PIBF1: variants seen among roughly 807,000 people sequenced by gnomAD.
PIBF1 encodes progesterone-induced-blocking factor 1.
Under a neutral mutation model 112.5 loss-of-function variants are expected in PIBF1, and 90 were observed. The observed-to-expected ratio is 0.80, with a 90% CI of 0.67 to 0.95. PIBF1 has a LOEUF of 0.95. Ranked by LOEUF, PIBF1 falls within the 40% of genes least tolerant of loss-of-function variation. PIBF1 has a pLI of 0.00. For synonymous variants in PIBF1, 301 were observed against 288.6 expected (o/e 1.04, Z -0.44); for missense variants, 915 against 852.3 (o/e 1.07, Z -0.92).
At chr13:72,885,964 A>G (rs1206433230) in intron 10 of PIBF1, among the ~76,000 whole-genome samples, 1 of 152,190 alleles carries the variant, frequency 6.6e-6, no homozygotes, top group Non-Finnish European at 1.5e-5. Flanking sequence ...CAGAACACTA[A>G]TTTGGATAAA....
intron 5 of PIBF1, among the ~76,000 whole-genome samples, chr13:72,800,692 A>C (rs1466796688): frequency 6.6e-6 from 1 of 152,244 alleles, no homozygotes; most frequent in Non-Finnish European, 1.5e-5. Context: ...GTTAAACAAA[A>C]CAGTAATCCC....
intron 17 of PIBF1, among the ~76,000 whole-genome samples, chr13:73,000,989 C>G (rs1051723508): frequency 2.0e-5 from 3 of 151,770 alleles, no homozygotes; most frequent in Non-Finnish European, 4.4e-5. Flanking sequence ...AAATTTTTTT[C>G]AAAAGAGGTA....
At chr13:72,943,897 G>A (rs1352948467) in intron 14 of PIBF1, among the ~76,000 whole-genome samples, 8 of 152,158 alleles carry the variant, frequency 5.3e-5, no homozygotes, top group Non-Finnish European at 7.4e-5. Flanking sequence ...AGTGTAAGTG[G>A]AAATAATAAT....
chr13:72,878,460 G>A (rs1467492840), intron 10 of PIBF1, among the ~76,000 whole-genome samples: 7 of 151,916 alleles, frequency 4.6e-5, no homozygotes, highest in Non-Finnish European at 5.9e-5. Context: ...TCTTTTTATT[G>A]TTGATTTCTA....
intron 16 of PIBF1, among the ~76,000 whole-genome samples, chr13:72,992,101 G>T (rs954535094): frequency 1.3e-5 from 2 of 152,154 alleles, no homozygotes; most frequent in Non-Finnish European, 2.9e-5. Flanking sequence ...GCCAAGATGG[G>T]AAGATAGCTT....
At chr13:72,915,591 G>A (rs974154076) in intron 12 of PIBF1, among the ~76,000 whole-genome samples, 2 of 152,116 alleles carry the variant, frequency 1.3e-5, no homozygotes, top group African/African-American at 4.8e-5. Flanking sequence ...GGAGAAACAA[G>A]AGTCAGTTAC....
At chr13:72,791,845 G>C (rs1371928550) in intron 2 of PIBF1, among the ~76,000 whole-genome samples, 1 of 151,516 alleles carries the variant, frequency 6.6e-6, no homozygotes, top group Non-Finnish European at 1.5e-5. Flanking sequence ...TGCTGGCCAG[G>C]CTTATCTTGA....
chr13:72,869,568 T>A (rs1204628104), intron 10 of PIBF1, among the ~76,000 whole-genome samples: 5 of 151,764 alleles, frequency 3.3e-5, no homozygotes, highest in Non-Finnish European at 4.4e-5. Flanking sequence ...TATACATGTG[T>A]AACTAACCTG....
intron 15 of PIBF1, among the ~76,000 whole-genome samples, chr13:72,968,013 G>C (rs990892668): frequency 6.6e-6 from 1 of 151,900 alleles, no homozygotes; most frequent in African/African-American, 2.4e-5. Context: ...GTGAAACCCT[G>C]TCTCTACTAA....
At chr13:72,849,843 C>G (rs1228098685) in intron 9 of PIBF1, among the ~76,000 whole-genome samples, 2 of 152,156 alleles carry the variant, frequency 1.3e-5, no homozygotes, top group East Asian at 1.9e-4. Flanking sequence ...TAATACTTAA[C>G]CTCTTTGTGT....
intron 2 of PIBF1, among the ~76,000 whole-genome samples, chr13:72,783,933 G>A (rs2034447742): frequency 6.6e-6 from 1 of 152,086 alleles, no homozygotes; most frequent in Non-Finnish European, 1.5e-5. Flanking sequence ...AGGAGGGTTG[G>A]GGAGATGTTG....
intron 5 of PIBF1, among the ~76,000 whole-genome samples, chr13:72,817,689 C>G (rs2036342422): frequency 6.6e-6 from 1 of 152,112 alleles, no homozygotes; most frequent in Admixed American, 6.5e-5. Flanking sequence ...TAGGTTATTG[C>G]TGGAGCTTAG....
intron 11 of PIBF1, among the ~76,000 whole-genome samples, chr13:72,902,033 C>A (rs931245992): frequency 6.3e-5 from 2 of 31,512 alleles, no homozygotes; most frequent in Non-Finnish European, 1.2e-4. Context: ...TATACACACA[C>A]ATGATGGAAT....
At chr13:72,985,595 A>T (rs12876094) in intron 16 of PIBF1, among the ~76,000 whole-genome samples, 1 of 152,210 alleles carries the variant, frequency 6.6e-6, no homozygotes, top group Non-Finnish European at 1.5e-5. Flanking sequence ...GACAATATTA[A>T]CAATTATATG....
chr13:72,953,033 C>A (rs2138862428), intron 14 of PIBF1, among the ~76,000 whole-genome samples: 1 of 152,200 alleles, frequency 6.6e-6, no homozygotes, highest in African/African-American at 2.4e-5. Flanking sequence ...GAGCTCCCAG[C>A]CTTGACAGAA....
chr13:72,969,508 T>G (rs2042835284), intron 15 of PIBF1: 1 of 152,206 alleles, frequency 6.6e-6, no homozygotes, highest in Non-Finnish European at 1.5e-5. Flanking sequence ...TATTAATACT[T>G]TCAGTAGTTT....
At chr13:72,854,433 C>T (rs118126934) in intron 10 of PIBF1, among the ~76,000 whole-genome samples, 2 of 152,178 alleles carry the variant, frequency 1.3e-5, no homozygotes, top group East Asian at 3.9e-4. Context: ...CCTTATGGCC[C>T]TTCAGTCCTT....
chr13:72,827,691 A>T, intron 7 of PIBF1, 42 bp from the exon 8 acceptor site: 2 of 1,112,906 alleles, frequency 1.8e-6, no homozygotes, highest in East Asian at 2.8e-5. Flanking sequence ...GAAAAGTAAG[A>T]TGGCATCACT....
At chr13:72,796,431 G>A (rs1033509920) in intron 4 of PIBF1, among the ~76,000 whole-genome samples, 1 of 152,102 alleles carries the variant, frequency 6.6e-6, no homozygotes, top group Non-Finnish European at 1.5e-5. Flanking sequence ...TCCCTAAAAA[G>A]GGTTAATAGT....
Sources: gnomAD v4.1 joint callset for allele counts (sites outside exome capture counted in the v4.1 genomes callset) on GRCh38, gnomAD v4.1.1 for gene constraint, MANE v1.5 for transcripts, NCBI Gene and HGNC (gene_info 2026-07-23, HGNC 2026-07-21) for gene names.